RBBP8: variants seen among roughly 807,000 people sequenced by gnomAD.
RBBP8 encodes DNA endonuclease RBBP8.
In RBBP8, 88 loss-of-function variants were observed where a neutral mutation model predicts 108.3. The observed-to-expected ratio is 0.81, with a 90% confidence interval of 0.68 to 0.97. RBBP8 has a LOEUF of 0.97. Among genes scored for constraint, RBBP8 ranks in the 50% least tolerant of loss-of-function variants. RBBP8 has a pLI of 0.00. For missense variants in RBBP8, 1,023 were observed against 1,049.0 expected (o/e 0.98, Z 0.34); for synonymous variants, 332 against 348.2 (o/e 0.95, Z 0.52).
chr18:22,971,112 A>C (rs1321979513), intron 5 of RBBP8, among the ~76,000 whole-genome samples: 1 of 151,368 alleles, frequency 6.6e-6, no homozygotes, highest in Admixed American at 6.6e-5. Context: ...AAGAAGCAGC[A>C]GCAAAAGGCT....
At chr18:22,930,707 T>A (rs9949457), upstream of RBBP8, among the ~76,000 whole-genome samples, 546 of 152,270 alleles carry the variant, frequency 3.6e-3, 4 homozygotes, top group African/African-American at 0.013. Context: ...CATAGAATAT[T>A]GATTTGGTGG....
At chr18:22,981,998 A>C (rs1854431040) in intron 6 of RBBP8, among the ~76,000 whole-genome samples, 1 of 152,144 alleles carries the variant, frequency 6.6e-6, no homozygotes, top group South Asian at 2.1e-4. Flanking sequence ...ATTTCACCTG[A>C]AGTGCTATTG....
chr18:23,016,546 A>G (rs927336289), intron 16 of RBBP8, among the ~76,000 whole-genome samples: 3 of 152,288 alleles, frequency 2.0e-5, no homozygotes, highest in East Asian at 3.9e-4. Context: ...CTGTCTCTAA[A>G]TAAATAAATA....
chr18:22,943,353 C>T (rs867899830), intron 2 of RBBP8, among the ~76,000 whole-genome samples: 1 of 151,890 alleles, frequency 6.6e-6, no homozygotes, highest in Non-Finnish European at 1.5e-5. Context: ...GCAGGAGGAT[C>T]GCTTGGGCCT....
chr18:22,983,464 G>T (rs1174043418), intron 7 of RBBP8, among the ~76,000 whole-genome samples: 1 of 152,146 alleles, frequency 6.6e-6, no homozygotes, highest in Non-Finnish European at 1.5e-5. Flanking sequence ...AAGTTAAAAT[G>T]TAAAATCATA....
At chr18:22,939,089 G>A (rs189964117) in intron 2 of RBBP8, among the ~76,000 whole-genome samples, 36 of 152,178 alleles carry the variant, frequency 2.4e-4, no homozygotes, top group Non-Finnish European at 4.7e-4. Flanking sequence ...TATTACATTT[G>A]TTTCTTGATT....
Position 23,022,627 on chromosome 18 carries a change from TAAAATAAAATAAATA to T in RBBP8, c.2596+361_2596+375del, listed in dbSNP as rs1240388252. Among the ~76,000 whole-genome samples, 9 of 92,238 alleles carry T rather than the reference TAAAATAAAATAAATA, an allele frequency of 9.8e-5. No individual in the cohort carries two copies. The East Asian group carries it at 2.1e-3, about 22-fold the overall frequency. The allele number at this position is 92,238 out of a possible 152,430, so 60.5% of individuals were successfully genotyped here. A position where few individuals can be genotyped will look rare whatever the true frequency, so the allele number is the denominator to read the frequency against. ...AAAAATAAAATAAAATAAAATAAAA[TAAAATAAAATAAATA>T]AAATACAATATAAAATAAAATAAAA... On this transcript the variant is annotated intron_variant, in intron 18 of 18. Coordinates refer to ENST00000327155, the MANE Select transcript of RBBP8 (RefSeq NM_002894.3).
At chr18:22,953,211 T>C (rs1329696936) in intron 4 of RBBP8, among the ~76,000 whole-genome samples, 2 of 152,350 alleles carry the variant, frequency 1.3e-5, no homozygotes, top group African/African-American at 4.8e-5. Flanking sequence ...GTTGCCCTGC[T>C]TTCCTCATTT....
At chr18:22,943,719 A>G (rs940784227) in intron 2 of RBBP8, among the ~76,000 whole-genome samples, 1 of 152,140 alleles carries the variant, frequency 6.6e-6, no homozygotes, top group African/African-American at 2.4e-5. Context: ...TAGGGGTATT[A>G]TTTATAATTC....
At chr18:22,949,035 G>A (rs1387051482) in intron 3 of RBBP8, among the ~76,000 whole-genome samples, 2 of 151,996 alleles carry the variant, frequency 1.3e-5, no homozygotes, top group Non-Finnish European at 1.5e-5. Flanking sequence ...ACACTGTTCC[G>A]TATCCAATAC....
intron 14 of RBBP8, among the ~76,000 whole-genome samples, chr18:22,998,954 C>T (rs1361767045): frequency 1.3e-5 from 2 of 152,114 alleles, no homozygotes; most frequent in Non-Finnish European, 1.5e-5. Flanking sequence ...TAAGAGGATA[C>T]TTTGCTTTTA....
chr18:23,017,714 T>A (rs898127596), intron 17 of RBBP8, among the ~76,000 whole-genome samples: 1 of 149,142 alleles, frequency 6.7e-6, no homozygotes, highest in African/African-American at 2.5e-5. Context: ...CATAATTTTT[T>A]AAAAATAATT....
intron 5 of RBBP8, among the ~76,000 whole-genome samples, chr18:22,972,164 G>A (rs1567969632): frequency 1.3e-5 from 2 of 149,762 alleles, no homozygotes; most frequent in Non-Finnish European, 3.0e-5. Flanking sequence ...GACCAGCCTG[G>A]CCAAGATGGT....
rs1366801397 is a variant in RBBP8 at position 22,973,050 on chromosome 18, G to T, written c.362-2103G>T. Among the ~76,000 whole-genome samples, 5 of 152,190 alleles carry T rather than the reference G, an allele frequency of 3.3e-5. No homozygotes were observed. The East Asian group carries it at 7.7e-4, about 24-fold the overall frequency. ...GCACTGCTCTGATTTTCTTGTCTCG[G>T]TATTTATTAATGACTCCTACGTCAA... On this transcript the variant is annotated intron_variant, in intron 5 of 18. Transcript: ENST00000327155.
upstream of RBBP8, among the ~76,000 whole-genome samples, chr18:22,930,319 C>G (rs1280349673): frequency 6.6e-6 from 1 of 152,200 alleles, no homozygotes; most frequent in Admixed American, 6.5e-5. Flanking sequence ...GTCTCAACTT[C>G]TGTTGCCACT....
chr18:22,966,552 A>T (rs1210819092), intron 4 of RBBP8, among the ~76,000 whole-genome samples: 2 of 148,242 alleles, frequency 1.3e-5, no homozygotes, highest in African/African-American at 5.0e-5. Context: ...CAGCCTGGGC[A>T]ACATAGTGAG....
intron 5 of RBBP8, 78 bp downstream of exon 5, chr18:22,968,996 T>C: frequency 9.4e-7 from 1 of 1,065,050 alleles, no homozygotes; most frequent in Non-Finnish European, 1.4e-6. Flanking sequence ...TTGGTTGTAA[T>C]TAAATGGATG....
chr18:22,946,467 C>T lies in RBBP8; in HGVS notation c.133C>T (p.Leu45=). The change falls in exon 3 of 19, where the codon CTA becomes TTA. Residue 45 remains leucine, a synonymous_variant. Coordinates refer to ENST00000327155, the MANE Select transcript of RBBP8 (RefSeq NM_002894.3). The stretch of plus-strand genomic sequence containing the variant: ...AGGTTTACAAGTAAAAGTAACCAAG[C>T]TAAAACAGGAACGAATCTTGTAAGT... ...VQGLQVKVTK[L]KQERILDAQR... 1 of 1,612,698 alleles carries T rather than the reference C, an allele frequency of 6.2e-7. No individual in the cohort carries two copies. Among genetic ancestry groups the T allele is most frequent in the Non-Finnish European group, 8.5e-7 (1 of 1,179,190 alleles).
chr18:22,965,709 A>G (rs1288013139), intron 4 of RBBP8, among the ~76,000 whole-genome samples: 3 of 152,200 alleles, frequency 2.0e-5, no homozygotes, highest in Non-Finnish European at 4.4e-5. Flanking sequence ...TGCTCAGAAT[A>G]TAGGAGAGAA....
Sources: gnomAD v4.1 joint callset for allele counts (sites outside exome capture counted in the v4.1 genomes callset) on GRCh38, gnomAD v4.1.1 for gene constraint, MANE v1.5 for transcripts, NCBI Gene and HGNC (gene_info 2026-07-23, HGNC 2026-07-21) for gene names.